IMMP2L: variants seen among roughly 807,000 people sequenced by gnomAD.
IMMP2L encodes inner mitochondrial membrane peptidase subunit 2.
In IMMP2L, 18 loss-of-function variants were observed where a neutral mutation model predicts 19.3. The observed-to-expected ratio is 0.93, with a 90% confidence interval of 0.64 to 1.38. IMMP2L has a LOEUF of 1.38. Ranked by LOEUF, IMMP2L falls within the 40% of genes most tolerant of loss-of-function variation. The probability of loss-of-function intolerance (pLI) is 0.00; values close to 1 mark genes in which losing one functional copy is unlikely to be tolerated. For missense variants in IMMP2L, 233 were observed against 218.2 expected, an observed-to-expected ratio of 1.07 and a Z score of -0.43; for synonymous variants, 76 against 73.0, an observed-to-expected ratio of 1.04 and a Z score of -0.21.
chr7:111,170,822 A>G (rs1806354764), intron 3 of IMMP2L, among the ~76,000 whole-genome samples: 1 of 151,716 alleles, frequency 6.6e-6, no homozygotes, highest in African/African-American at 2.4e-5. Flanking sequence ...ATAGTAGTAA[A>G]GCCTAGGCTT....
At chr7:111,351,222 GCT>G (rs1209911129) in intron 3 of IMMP2L, among the ~76,000 whole-genome samples, 1 of 152,024 alleles carries the variant, frequency 6.6e-6, no homozygotes, top group Non-Finnish European at 1.5e-5. Flanking sequence ...ACGGAGTCTT[GCT>G]CTGTCACCCA....
chr7:110,663,358 G>A lies in IMMP2L; in HGVS notation c.*244C>T, dbSNP rs1791206137. 2.7e-6 allele frequency: 1 copy of A among 364,108 alleles called. No individual in the cohort carries two copies. The highest frequency in any genetic ancestry group is 5.0e-6 in the Non-Finnish European group (1 of 201,744). 22.6% of individuals were successfully genotyped at this position (364,108 alleles called of 1,614,324 possible). A position where few individuals can be genotyped will look rare whatever the true frequency, so the allele number is the denominator to read the frequency against. ...GTGCAATATTTTTATATTCCCAAAGGTCTGCATATTTTGGGGGCATTAAAC... is the reference window on the plus strand; with the variant it reads ...GTGCAATATTTTTATATTCCCAAAGATCTGCATATTTTGGGGGCATTAAAC... On this transcript the variant is annotated 3_prime_UTR_variant, in exon 6 of 6. Transcript: ENST00000405709.
chr7:110,671,947 C>T (rs1791951115), intron 5 of IMMP2L, among the ~76,000 whole-genome samples: 1 of 151,974 alleles, frequency 6.6e-6, no homozygotes, highest in South Asian at 2.1e-4. Flanking sequence ...AATTTGCTAG[C>T]CCCTTAATCT....
At chr7:111,018,266 C>T (rs1825907399) in intron 3 of IMMP2L, among the ~76,000 whole-genome samples, 1 of 152,128 alleles carries the variant, frequency 6.6e-6, no homozygotes, top group Non-Finnish European at 1.5e-5. Context: ...CATGGTGGGA[C>T]ACAGTGTTAA....
At chr7:110,901,174 T>C (rs1240444782) in intron 4 of IMMP2L, among the ~76,000 whole-genome samples, 1 of 152,146 alleles carries the variant, frequency 6.6e-6, no homozygotes, top group Admixed American at 6.6e-5. Context: ...GGGTTTATAA[T>C]CTATCCACTG....
chr7:111,174,800 C>T (rs1806856160), intron 3 of IMMP2L, among the ~76,000 whole-genome samples: 1 of 151,640 alleles, frequency 6.6e-6, no homozygotes, highest in African/African-American at 2.4e-5. Context: ...AATACTTGTG[C>T]AGTAAATGGT....
chr7:110,727,596 GAGAGGAGACCAAGTATCCTTT>G lies in IMMP2L; in HGVS notation c.409-63896_409-63876del, dbSNP rs1265393817. On this transcript the variant is annotated intron_variant, in intron 5 of 5. Transcript: ENST00000405709. The surrounding 1 kb of genome is among the most constrained non-coding windows in gnomAD (Gnocchi z 4.3). ...GAGGAGAAGACAAGGTAGGGAAAGA[GAGAGGAGACCAAGTATCCTTT>G]CCCCACTGCAGGTTTCCTGCCTCAA... Among the ~76,000 whole-genome samples, 1 of 152,194 alleles carries G rather than the reference GAGAGGAGACCAAGTATCCTTT, an allele frequency of 6.6e-6. No homozygotes were observed. The highest frequency in any genetic ancestry group is 1.5e-5 in the Non-Finnish European group (1 of 68,042).
chr7:111,124,712 G>A, intron 3 of IMMP2L: 3 of 1,613,892 alleles, frequency 1.9e-6, no homozygotes, highest in Non-Finnish European at 2.5e-6. Flanking sequence ...TGTCTTATCA[G>A]CTGCCTCTCT....
chr7:110,986,578 ACCTATTATC>A (rs1821884457), intron 3 of IMMP2L, among the ~76,000 whole-genome samples: 1 of 152,134 alleles, frequency 6.6e-6, no homozygotes, highest in African/African-American at 2.4e-5. Context: ...AGAGCTTGTC[ACCTATTATC>A]CCTGGTGTGA....
intron 3 of IMMP2L, among the ~76,000 whole-genome samples, chr7:111,347,902 C>G (rs947036720): frequency 1.3e-5 from 2 of 151,548 alleles, no homozygotes; most frequent in East Asian, 1.9e-4. Flanking sequence ...AAAGTTCTAT[C>G]AAGACTGGAT....
At chr7:111,066,909 G>A (rs754631116) in intron 3 of IMMP2L, among the ~76,000 whole-genome samples, 1 of 152,170 alleles carries the variant, frequency 6.6e-6, no homozygotes, top group East Asian at 1.9e-4. Context: ...AACCACAGAG[G>A]CAATCCATCA....
chr7:111,366,957 T>C (rs1007178759), intron 3 of IMMP2L, among the ~76,000 whole-genome samples: 2 of 151,786 alleles, frequency 1.3e-5, no homozygotes, highest in African/African-American at 4.8e-5. Flanking sequence ...ATAGGTATTC[T>C]TTGTACCATC....
intron 3 of IMMP2L, among the ~76,000 whole-genome samples, chr7:111,228,942 G>A (rs1235478631): frequency 6.7e-6 from 1 of 149,710 alleles, no homozygotes; most frequent in Non-Finnish European, 1.5e-5. Flanking sequence ...GTGCAAAGAG[G>A]TAATTCAATA....
intron 2 of IMMP2L, among the ~76,000 whole-genome samples, chr7:111,519,985 A>G (rs1183714044): frequency 6.6e-6 from 1 of 152,120 alleles, no homozygotes; most frequent in Non-Finnish European, 1.5e-5. Context: ...TGAAGAAGGC[A>G]GTTTTAATCT....
chr7:111,546,339 T>C (rs1848929497), intron 1 of IMMP2L, among the ~76,000 whole-genome samples: 1 of 152,102 alleles, frequency 6.6e-6, no homozygotes, highest in Non-Finnish European at 1.5e-5. Flanking sequence ...ACACATTGTG[T>C]TTTCAAAATT....
In IMMP2L at chr7:110,924,470, G is replaced by A. The variant is rs940999334; in HGVS notation, c.306-37775C>T. Among the ~76,000 whole-genome samples the A allele has an allele frequency of 5.3e-5, 8 of 152,072 alleles. No individual in the cohort carries two copies. The highest frequency in any genetic ancestry group is 8.8e-5 in the Non-Finnish European group (6 of 67,998). On this transcript the variant is annotated intron_variant, in intron 4 of 5. Coordinates refer to ENST00000405709, the MANE Select transcript of IMMP2L (RefSeq NM_032549.4). The surrounding 1 kb of genome is among the most constrained non-coding windows in gnomAD (Gnocchi z 4.2). ...TGGCCAGTCACAAGGTCCTCTTGCT[G>A]CAGGTACCAGGTTTATCCTACGTTT...
chr7:111,112,374 C>T (rs1349924014), intron 3 of IMMP2L, among the ~76,000 whole-genome samples: 1 of 152,190 alleles, frequency 6.6e-6, no homozygotes, highest in Non-Finnish European at 1.5e-5. Flanking sequence ...CTCTGTCTGT[C>T]ACTTCGTACT....
At chr7:111,409,812 C>T (rs1316613765) in intron 3 of IMMP2L, among the ~76,000 whole-genome samples, 1 of 151,678 alleles carries the variant, frequency 6.6e-6, no homozygotes, top group African/African-American at 2.4e-5. Context: ...ATATATAAAG[C>T]TATTTCAGAT....
intron 3 of IMMP2L, among the ~76,000 whole-genome samples, chr7:111,441,554 C>CA (rs1312237787): frequency 1.3e-5 from 2 of 151,148 alleles, no homozygotes; most frequent in African/African-American, 4.9e-5. Flanking sequence ...ATGGTGACAT[C>CA]AAAAATCACT....
Sources: allele counts gnomAD v4.1 joint callset (sites outside exome capture counted in the v4.1 genomes callset), GRCh38; gene constraint gnomAD v4.1.1; non-coding constraint Gnocchi (gnomAD v3.1); transcripts MANE v1.5; gene names NCBI Gene and HGNC (gene_info 2026-07-23, HGNC 2026-07-21).